Variants in FBN2 observed in about 807,000 individuals in gnomAD.
The protein encoded by FBN2 is fibrillin-2.
A neutral mutation model predicts 355.6 loss-of-function variants in FBN2; 105 were observed. The observed-to-expected ratio is 0.30, with a 90% CI of 0.25 to 0.35. FBN2 has a LOEUF of 0.35. FBN2 is among the 10% of genes least tolerant of loss of function. The pLI, the probability that FBN2 is intolerant of heterozygous loss-of-function variation, is 1.00. For missense variants in FBN2, 3,280 were observed against 3,758.7 expected, an observed-to-expected ratio of 0.87 and a Z score of 3.33; for synonymous variants, 1,350 against 1,301.2, an observed-to-expected ratio of 1.04 and a Z score of -0.81.
intron 6 of FBN2, among the ~76,000 whole-genome samples, chr5:128,455,127 G>A (rs1374603853): frequency 6.6e-6 from 1 of 152,014 alleles, no homozygotes; most frequent in African/African-American, 2.4e-5. Context: ...ATTAGAGTAG[G>A]TTCATGAGAC....
At chr5:128,436,814 C>G (rs917808237) in intron 7 of FBN2, among the ~76,000 whole-genome samples, 1 of 152,170 alleles carries the variant, frequency 6.6e-6, no homozygotes, top group Non-Finnish European at 1.5e-5. Context: ...TAAGCCAGGG[C>G]AGAATCCCTT....
At chr5:128,455,796 C>T (rs772077570) in intron 6 of FBN2, among the ~76,000 whole-genome samples, 3 of 151,764 alleles carry the variant, frequency 2.0e-5, no homozygotes, top group Admixed American at 1.3e-4. Context: ...GTGCAACCCA[C>T]GAATCGGAGG....
At chr5:128,501,558 C>A (rs574472339) in intron 5 of FBN2, among the ~76,000 whole-genome samples, 1 of 152,018 alleles carries the variant, frequency 6.6e-6, no homozygotes, top group African/African-American at 2.4e-5. Context: ...GAAAAGAATA[C>A]TGCATTGTAG....
At chr5:128,263,739 G>T (rs1448933124) in intron 62 of FBN2, 83 bp from the exon 63 acceptor site, 5 of 857,236 alleles carry the variant, frequency 5.8e-6, no homozygotes, top group Non-Finnish European at 1.9e-6. Context: ...TCAAGTGCCT[G>T]TGATTTTATG....
chr5:128,344,321 C>T (rs1222290797), intron 25 of FBN2, 64 bp downstream of exon 25: 8 of 1,554,930 alleles, frequency 5.1e-6, no homozygotes, highest in Non-Finnish European at 8.9e-7. Flanking sequence ...TAGGGCAGTC[C>T]TTTCAAACAG....
intron 14 of FBN2, among the ~76,000 whole-genome samples, chr5:128,375,914 T>G (rs1336052203): frequency 1.3e-5 from 2 of 151,998 alleles, no homozygotes; most frequent in African/African-American, 2.4e-5. Flanking sequence ...GGCACATGCA[T>G]GTACTCCCAG....
intron 23 of FBN2, among the ~76,000 whole-genome samples, chr5:128,345,996 G>A (rs776222474): frequency 3.9e-5 from 6 of 151,990 alleles, no homozygotes; most frequent in Non-Finnish European, 7.4e-5. Flanking sequence ...TAATCTATTT[G>A]CCAATTTGTT....
intron 27 of FBN2, 131 bp from the exon 28 acceptor site, chr5:128,336,244 G>T (rs534010850): frequency 1.3e-5 from 11 of 878,386 alleles, no homozygotes; most frequent in Non-Finnish European, 1.9e-5. Context: ...TGTTCTCCTG[G>T]GGGATTGAAA....
At position 128,259,725 on chromosome 5, in the gene FBN2, G is replaced by A. The variant is rs371397121; in HGVS notation, c.8469C>T (p.Pro2823=). 2.2e-5 allele frequency: 36 copies of A among 1,613,832 alleles called. No individual in the cohort carries two copies. The highest frequency in any genetic ancestry group is 4.0e-5 in the African/African-American group (3 of 74,968). ...GSKEHILELR[P]AIQPLNNHIR... ...TGTGGTTGTTGAGGGGCTGGATGGC[G>A]GGCCTTAGTTCCAGGATGTGCTCCT... Residue 2823 remains proline (P), a synonymous_variant, in exon 65 of 65, where the codon CCC becomes CCT. Transcript: ENST00000262464.
intron 17 of FBN2, chr5:128,365,305 G>A (rs1751738243): frequency 6.5e-6 from 1 of 153,190 alleles, no homozygotes; most frequent in African/African-American, 2.4e-5. Flanking sequence ...TATCACCGAG[G>A]GGCAGTGGAA....
At chr5:128,267,342 T>C (rs1238296313) in intron 62 of FBN2, among the ~76,000 whole-genome samples, 2 of 152,224 alleles carry the variant, frequency 1.3e-5, no homozygotes, top group Non-Finnish European at 2.9e-5. Flanking sequence ...TATCCAGTAA[T>C]GGGATTGCTG....
chr5:128,297,901 C>G (rs542593585), intron 48 of FBN2, among the ~76,000 whole-genome samples: 33 of 151,162 alleles, frequency 2.2e-4, no homozygotes, highest in African/African-American at 7.5e-4. Context: ...GGTTATTTTG[C>G]TCGTTAGTTG....
intron 5 of FBN2, among the ~76,000 whole-genome samples, chr5:128,487,246 C>A (rs1755362743): frequency 6.6e-6 from 1 of 152,110 alleles, no homozygotes; most frequent in Non-Finnish European, 1.5e-5. Context: ...ATTCCAAGTC[C>A]CTTAGTAACT....
chr5:128,294,180 T>C (rs1749426748), intron 48 of FBN2, among the ~76,000 whole-genome samples: 1 of 152,236 alleles, frequency 6.6e-6, no homozygotes, highest in East Asian at 1.9e-4. Flanking sequence ...TCATTTTTTA[T>C]GGCTGCAGAG....
chr5:128,305,866 G>A lies in FBN2; in HGVS notation c.5505C>T (p.Cys1835=). 1 of 1,613,770 alleles carries A rather than the reference G, an allele frequency of 6.2e-7. No homozygotes were observed. Among genetic ancestry groups the A allele is most frequent in the Non-Finnish European group, 8.5e-7 (1 of 1,179,808 alleles). ...GGTCATTGTAACTGAATCCTGTAGGGCATTCACAGCGGAAACTGCCAATCT... is the reference window on the plus strand; with the variant it reads ...GGTCATTGTAACTGAATCCTGTAGGACATTCACAGCGGAAACTGCCAATCT... ...INQIGSFRCE[C]PTGFSYNDLL... Residue 1835 remains cysteine, a synonymous_variant, in exon 43 of 65, where the codon TGC becomes TGT. Transcript: ENST00000262464.
intron 48 of FBN2, among the ~76,000 whole-genome samples, chr5:128,298,140 T>C (rs1295660326): frequency 6.6e-6 from 1 of 151,804 alleles, no homozygotes; most frequent in Non-Finnish European, 1.5e-5. Flanking sequence ...AAAATTCTTT[T>C]CTTTAAGAAT....
chr5:128,499,445 T>C (rs1297337532), intron 5 of FBN2, among the ~76,000 whole-genome samples: 1 of 152,178 alleles, frequency 6.6e-6, no homozygotes, highest in Non-Finnish European at 1.5e-5. Flanking sequence ...AATGCTAATG[T>C]TTGGCCATGG....
chr5:128,492,894 A>T (rs964294453), intron 5 of FBN2, among the ~76,000 whole-genome samples: 26 of 151,948 alleles, frequency 1.7e-4, no homozygotes, highest in African/African-American at 6.3e-4. Flanking sequence ...CTTTATTTTG[A>T]ATTAAAATTA....
chr5:128,361,770 G>A lies in FBN2; in HGVS notation c.2507C>T (p.Thr836Met), dbSNP rs957177447. ...CCTGAACACATACCCTGGTGGGCAC[G>A]TACAGCTGTAACTTCCTGGCGTGTT... is the stretch of plus-strand genomic sequence containing the variant. Reference protein sequence around the residue: ...CRNTPGSYSCTCPPGYVFRTE... With the variant: ...CRNTPGSYSCMCPPGYVFRTE... Residue 836 changes from threonine to methionine, a missense_variant, in exon 19 of 65, where the codon ACG (threonine) becomes ATG (methionine). Transcript: ENST00000262464. 1.1e-5 allele frequency: 18 copies of A among 1,614,030 alleles called. No individual in the cohort carries two copies. Among genetic ancestry groups the A allele is most frequent in the South Asian group, 7.7e-5 (7 of 91,082 alleles).
Sources: allele counts gnomAD v4.1 joint callset (sites outside exome capture counted in the v4.1 genomes callset), GRCh38; gene constraint gnomAD v4.1.1; transcripts MANE v1.5; gene names NCBI Gene and HGNC (gene_info 2026-07-23, HGNC 2026-07-21).